Variants in FRMPD1 observed in about 807,000 individuals in gnomAD.
The protein encoded by FRMPD1 is FERM and PDZ domain containing 1, also known as FERM and PDZ domain-containing protein 1.
A neutral mutation model predicts 117.8 loss-of-function variants in FRMPD1; 76 were observed. The observed-to-expected ratio is 0.65, with a 90% CI of 0.54 to 0.78. FRMPD1 has a LOEUF of 0.78. Ranked by LOEUF, FRMPD1 falls within the 30% of genes least tolerant of loss-of-function variation. The pLI is 0.00. For missense variants in FRMPD1, 1,786 were observed against 1,964.5 expected, an observed-to-expected ratio of 0.91 and a Z score of 1.72; for synonymous variants, 783 against 770.4, an observed-to-expected ratio of 1.02 and a Z score of -0.27.
chr9:37,723,773 A>G (rs1053684744), intron 6 of FRMPD1, among the ~76,000 whole-genome samples: 1 of 151,836 alleles, frequency 6.6e-6, no homozygotes, highest in Non-Finnish European at 1.5e-5. Context: ...CGGGTGGATC[A>G]CCTGAGGTCA....
At chr9:37,645,171 C>G in the FRMPD1 span, among the ~76,000 whole-genome samples, 2 of 151,362 alleles carry the variant, frequency 1.3e-5, no homozygotes, top group South Asian at 4.2e-4. Flanking sequence ...GATGCTGAAC[C>G]CAGTCCTATC....
the FRMPD1 span, chr9:37,637,219 G>T: frequency 6.2e-7 from 1 of 1,611,178 alleles, no homozygotes; most frequent in African/African-American, 1.3e-5. Flanking sequence ...CAAACCGCAG[G>T]AGCAGGCATG....
intron 4 of FRMPD1, among the ~76,000 whole-genome samples, chr9:37,709,685 CTT>C (rs2118167199): frequency 6.6e-6 from 1 of 152,272 alleles, no homozygotes; most frequent in East Asian, 1.9e-4. Flanking sequence ...TCAGTTGTGT[CTT>C]TAATGCTGGG....
intron 15 of FRMPD1, among the ~76,000 whole-genome samples, chr9:37,742,387 G>GTTTTGT (rs745313737): frequency 3.1e-4 from 47 of 152,300 alleles, no homozygotes; most frequent in Non-Finnish European, 6.5e-4. Flanking sequence ...ACCAGACACT[G>GTTTTGT]TTTTGTTTTT....
At chr9:37,693,866 C>T (rs1010702807) in intron 2 of FRMPD1, among the ~76,000 whole-genome samples, 2 of 152,218 alleles carry the variant, frequency 1.3e-5, no homozygotes, top group African/African-American at 4.8e-5. Flanking sequence ...CAGCTTAAGG[C>T]TTGGCTGAAG....
In FRMPD1 at chr9:37,711,358, A is replaced by G; in HGVS notation, c.371A>G (p.Glu124Gly). The change falls in exon 5 of 16, where the codon GAA becomes GGA. Residue 124 changes from glutamate (E) to glycine (G), a missense_variant. Transcript: ENST00000377765. ...ERAVDILREA[E>G]DSLSITVVRC... ...ATTCTTTCTTTTTTCAGGGAAGCAGAAGATTCTCTTTCAATCACAGTTGTT... is the reference window on the plus strand; with the variant it reads ...ATTCTTTCTTTTTTCAGGGAAGCAGGAGATTCTCTTTCAATCACAGTTGTT... The G allele has an allele frequency of 1.2e-6, 2 of 1,608,506 alleles. No individual in the cohort carries two copies. The highest frequency in any genetic ancestry group is 1.7e-6 in the Non-Finnish European group (2 of 1,174,882).
At chr9:37,692,820 G>A (rs931658652) in intron 2 of FRMPD1, 78 bp downstream of exon 2, 44 of 1,021,318 alleles carry the variant, frequency 4.3e-5, no homozygotes, top group Admixed American at 3.8e-4. Context: ...GGTCCTGGCC[G>A]CACCTTGGGA....
chr9:37,736,955 A>G, intron 13 of FRMPD1, 141 bp from the exon 14 acceptor site: 2 of 664,302 alleles, frequency 3.0e-6, no homozygotes, highest in Non-Finnish European at 5.4e-6. Context: ...GCAAGTGAGG[A>G]TATGGGGCAC....
chr9:37,667,191 A>G (rs1821187593), intron 1 of FRMPD1, among the ~76,000 whole-genome samples: 1 of 150,226 alleles, frequency 6.7e-6, no homozygotes, highest in Non-Finnish European at 1.5e-5. Flanking sequence ...CAGCTTCCCA[A>G]GCAGCTGGGA....
At position 37,746,549 on chromosome 9, in the gene FRMPD1, A is replaced by G. The variant is rs745491493; in HGVS notation, c.4517A>G (p.Gln1506Arg). ...GTCCAGCTGGCCGGCCTGTGCTTTC[A>G]GTTCACAGACTGTAGCCGCTGCTCC... The part of the protein sequence containing the change: ...HLVQLAGLCF[Q>R]FTDCSRCSAR... Residue 1506 changes from glutamine (Q) to arginine (R), a missense_variant, in exon 16 of 16, where the codon CAG becomes CGG. Coordinates refer to ENST00000377765, the MANE Select transcript of FRMPD1 (RefSeq NM_014907.3). 5.0e-6 allele frequency: 8 copies of G among 1,613,676 alleles called. No homozygotes were observed. In the South Asian group the frequency reaches 8.8e-5, roughly 18 times the overall value.
intron 1 of FRMPD1, chr9:37,668,081 G>T (rs1821223319): frequency 6.6e-6 from 1 of 152,266 alleles, no homozygotes; most frequent in South Asian, 2.1e-4. Flanking sequence ...TAAAATGGAT[G>T]CATCATGAGA....
intron 1 of FRMPD1, among the ~76,000 whole-genome samples, chr9:37,655,045 C>A (rs1269657448): frequency 6.6e-6 from 1 of 152,174 alleles, no homozygotes; most frequent in South Asian, 2.1e-4. Flanking sequence ...TGGAGCTGAG[C>A]CCCTGGTGCC....
At chr9:37,741,215 C>T (rs994973957) in intron 15 of FRMPD1, among the ~76,000 whole-genome samples, 5 of 151,948 alleles carry the variant, frequency 3.3e-5, no homozygotes, top group Non-Finnish European at 4.4e-5. Context: ...CAGGAGTGCC[C>T]GGCAGAGCGA....
intron 1 of FRMPD1, among the ~76,000 whole-genome samples, chr9:37,651,357 A>G (rs1588899111): frequency 6.6e-6 from 1 of 152,270 alleles, no homozygotes; most frequent in East Asian, 1.9e-4. Context: ...GTGAGTGGAA[A>G]CAGCGGCAAC....
chr9:37,650,849 C>A (rs902854507), upstream of FRMPD1, among the ~76,000 whole-genome samples: 1 of 147,928 alleles, frequency 6.8e-6, no homozygotes, highest in African/African-American at 2.4e-5. Flanking sequence ...GTCGCGGCGC[C>A]GGCAGCTGGC....
At chr9:37,700,523 G>A (rs1442443925) in intron 2 of FRMPD1, among the ~76,000 whole-genome samples, 1 of 152,188 alleles carries the variant, frequency 6.6e-6, no homozygotes, top group Non-Finnish European at 1.5e-5. Flanking sequence ...GGAACTCGGA[G>A]GTGAATTCTT....
At chr9:37,608,519 G>A in the FRMPD1 span, among the ~76,000 whole-genome samples, 9 of 150,440 alleles carry the variant, frequency 6.0e-5, no homozygotes, top group African/African-American at 2.2e-4. Context: ...TTCCTGAGAT[G>A]GGGGGAGGGT....
chr9:37,706,302 C>T (rs545243691), intron 2 of FRMPD1, among the ~76,000 whole-genome samples: 35 of 152,102 alleles, frequency 2.3e-4, no homozygotes, highest in Non-Finnish European at 4.9e-4. Flanking sequence ...TTCATATTTC[C>T]GGATCCTTGT....
the FRMPD1 span, among the ~76,000 whole-genome samples, chr9:37,630,294 T>C: frequency 6.6e-6 from 1 of 152,214 alleles, no homozygotes; most frequent in Non-Finnish European, 1.5e-5. Flanking sequence ...TCCAATGAAA[T>C]GTTGGCACTG....
Sources: allele counts gnomAD v4.1 joint callset (sites outside exome capture counted in the v4.1 genomes callset), GRCh38; gene constraint gnomAD v4.1.1; transcripts MANE v1.5; gene names NCBI Gene and HGNC (gene_info 2026-07-23, HGNC 2026-07-21).